Variants in IPO9 observed in about 807,000 individuals in gnomAD.
IPO9 encodes importin 9.
A neutral mutation model predicts 128.6 loss-of-function variants in IPO9; 28 were observed. The ratio of observed to expected loss-of-function variants is 0.22; its 90% CI spans 0.16 to 0.30. IPO9 has a LOEUF of 0.30. Ranked by LOEUF, IPO9 falls within the 10% of genes least tolerant of loss-of-function variation. The pLI is 1.00. For synonymous variants in IPO9, 455 were observed against 475.8 expected (o/e 0.96, Z 0.57); for missense variants, 935 against 1,293.9 (o/e 0.72, Z 4.26).
chr1:201,843,528 T>C (rs1430637295), intron 1 of IPO9, among the ~76,000 whole-genome samples: 1 of 152,228 alleles, frequency 6.6e-6, no homozygotes, highest in Non-Finnish European at 1.5e-5. Flanking sequence ...AGCCAAATAC[T>C]TTTTAAGAAA....
chr1:201,843,981 T>A (rs2102872408), intron 1 of IPO9, among the ~76,000 whole-genome samples: 1 of 152,208 alleles, frequency 6.6e-6, no homozygotes, highest in South Asian at 2.1e-4. Context: ...TACTTCCTTA[T>A]AAAAGAATTC....
At chr1:201,829,403 C>T (rs750066495) in intron 1 of IPO9, 31 bp downstream of exon 1, 2 of 1,525,592 alleles carry the variant, frequency 1.3e-6, no homozygotes, top group Non-Finnish European at 1.8e-6. Flanking sequence ...ACGAGGATGG[C>T]TCAGCCGCAC....
At chr1:201,829,575 AGGTGGAGCCTGGGAGTGGGGGAGGGAG>A (rs1019304823) in intron 1 of IPO9, 9 of 54,502 alleles carry the variant, frequency 1.7e-4, no homozygotes, top group African/African-American at 2.5e-4. Context: ...GGGTCGGGGG[AGGTGGAGCCTGGGAGTGGGGGAGGGAG>A]GGTGGAGACT....
intron 9 of IPO9, 69 bp from the exon 10 acceptor site, chr1:201,855,714 C>CT: frequency 7.4e-7 from 1 of 1,360,026 alleles, no homozygotes. Context: ...TTATGTAGTT[C>CT]ATTTTCTGCA....
At chr1:201,875,847 ACCAGCATT>A (rs1680752445) in intron 23 of IPO9, 89 bp from the exon 24 acceptor site, 1 of 770,906 alleles carries the variant, frequency 1.3e-6, no homozygotes, top group South Asian at 1.5e-5. Flanking sequence ...TTGTCTAAAA[ACCAGCATT>A]CCCTGTGCCA....
rs747658384 is a variant in IPO9 at position 201,870,546 on chromosome 1, C to T, written c.2134-37C>T. The T allele has an allele frequency of 4.8e-5, 77 of 1,595,360 alleles. No homozygotes were observed. The East Asian group carries it at 1.7e-3, about 35-fold the overall frequency. On this transcript the variant is annotated intron_variant, in intron 17 of 23. Transcript: ENST00000361565. The surrounding 1 kb of genome is among the most constrained non-coding windows in gnomAD (Gnocchi z 4.9). ...TGAGGGCCTTCTGGCATCTGTCCCT[C>T]GATTACTAATCTTGCTTGCCACCCC...
At chr1:201,839,004 C>T (rs903722752) in intron 1 of IPO9, among the ~76,000 whole-genome samples, 1 of 151,228 alleles carries the variant, frequency 6.6e-6, no homozygotes, top group Non-Finnish European at 1.5e-5. Context: ...ACTGCAACCT[C>T]CGCCTCCTGG....
At chr1:201,840,747 A>G (rs1328052638) in intron 1 of IPO9, among the ~76,000 whole-genome samples, 2 of 152,212 alleles carry the variant, frequency 1.3e-5, no homozygotes, top group Non-Finnish European at 2.9e-5. Context: ...AAATCCCAAG[A>G]TATAATGTTA....
Position 201,876,227 on chromosome 1 carries a change from A to T in IPO9, c.*173A>T. 2 of 719,038 alleles carry T rather than the reference A, an allele frequency of 2.8e-6. No individual in the cohort carries two copies. The highest frequency in any genetic ancestry group is 5.2e-6 in the Non-Finnish European group (2 of 384,324). 44.5% of individuals were successfully genotyped at this position (719,038 alleles called of 1,614,324 possible). ...TCAGACCAGGCTCACCGGTGCCGTC[A>T]CTTAGGAATGCTGGAACAAAGGACA... On this transcript the variant is annotated 3_prime_UTR_variant, in exon 24 of 24. Transcript: ENST00000361565.
rs755653693 is a variant in IPO9, at chr1:201,874,943, T to C, written c.2938+7T>C. On this transcript the variant is annotated splice_region_variant and intron_variant, in intron 22 of 23. Coordinates refer to ENST00000361565, the MANE Select transcript of IPO9 (RefSeq NM_018085.5). Reference sequence around the variant, plus strand: ...CTTGCTACAAGTAAATATGGTAAGCTGTTTGATAAGAGGACAGCCATGGTA... The same window carrying C: ...CTTGCTACAAGTAAATATGGTAAGCCGTTTGATAAGAGGACAGCCATGGTA... The C allele has an allele frequency of 2.5e-6, 4 of 1,591,022 alleles. No homozygotes were observed. In the East Asian group the frequency reaches 8.9e-5, roughly 36 times the overall value.
At chr1:201,854,415 G>A (rs545991513) in intron 6 of IPO9, among the ~76,000 whole-genome samples, 180 bp from the exon 7 acceptor site, 1 of 152,176 alleles carries the variant, frequency 6.6e-6, no homozygotes, top group African/African-American at 2.4e-5. Flanking sequence ...TGCAAGTGCT[G>A]GTTAAGGAAA....
chr1:201,851,827 A>G (rs1680223928), intron 4 of IPO9, among the ~76,000 whole-genome samples: 1 of 152,214 alleles, frequency 6.6e-6, no homozygotes, highest in Non-Finnish European at 1.5e-5. Flanking sequence ...ACTTTTATGC[A>G]GTTCTATTAC....
chr1:201,857,488 G>A (rs1214853598), intron 11 of IPO9, among the ~76,000 whole-genome samples: 1 of 152,120 alleles, frequency 6.6e-6, no homozygotes, highest in Non-Finnish European at 1.5e-5. Context: ...AGTAAGGGTA[G>A]TTGAATCAAG....
chr1:201,871,082 T>C (rs950114), intron 18 of IPO9, 79 bp from the exon 19 acceptor site: 52,213 of 1,426,930 alleles, frequency 0.037, 3,027 homozygotes, highest in East Asian at 0.31. Flanking sequence ...GTATTTCTTA[T>C]CTGACTGGCC....
In IPO9 at chr1:201,882,601, A is replaced by G. The variant is rs1052982712; in HGVS notation, c.*6547A>G. On this transcript the variant is annotated 3_prime_UTR_variant, in exon 24 of 24. Coordinates refer to ENST00000361565, the MANE Select transcript of IPO9 (RefSeq NM_018085.5). The stretch of plus-strand genomic sequence containing the variant: ...TGCTGGCTTCCTAAAATTGAAAAGT[A>G]TACTAGGGTTTTTAAACCTGTGTAG... 5.3e-5 allele frequency: 8 copies of G among 152,138 alleles called. No individual in the cohort carries two copies. Among genetic ancestry groups the G allele is most frequent in the African/African-American group, 1.9e-4 (8 of 41,422 alleles). The allele number at this position is 152,138 out of a possible 1,614,324, so 9.4% of individuals were successfully genotyped here.
rs1680866619 is a variant in IPO9, at chr1:201,880,566, A to G, written c.*4512A>G. 1 of 152,212 alleles carries G rather than the reference A, an allele frequency of 6.6e-6. No individual in the cohort carries two copies. The highest frequency in any genetic ancestry group is 1.5e-5 in the Non-Finnish European group (1 of 68,056). The allele number at this position is 152,212 out of a possible 1,614,324, so 9.4% of individuals were successfully genotyped here. On this transcript the variant is annotated 3_prime_UTR_variant, in exon 24 of 24. Transcript: ENST00000361565. The stretch of plus-strand genomic sequence containing the variant: ...TTTTGCACCCCAGCTAAGCTGACCC[A>G]TGATCAGTAAGTAGGAAATAAAAGG...
chr1:201,845,583 A>G (rs923305711), intron 1 of IPO9, among the ~76,000 whole-genome samples: 1 of 152,220 alleles, frequency 6.6e-6, no homozygotes, highest in Non-Finnish European at 1.5e-5. Context: ...TGAAATTTTA[A>G]ATTTTCTAGT....
intron 1 of IPO9, among the ~76,000 whole-genome samples, chr1:201,831,354 T>A (rs1018251571): frequency 6.6e-6 from 1 of 152,150 alleles, no homozygotes; most frequent in Non-Finnish European, 1.5e-5. Flanking sequence ...GGTGATCTAG[T>A]AATAGAGCAT....
chr1:201,855,203 T>C, intron 9 of IPO9, 21 bp downstream of exon 9: 1 of 1,496,692 alleles, frequency 6.7e-7, no homozygotes, highest in South Asian at 1.2e-5. Flanking sequence ...TATTTGATCT[T>C]TATAGAAATA....
Sources: gnomAD v4.1 joint callset for allele counts (sites outside exome capture counted in the v4.1 genomes callset) on GRCh38, gnomAD v4.1.1 for gene constraint, Gnocchi (gnomAD v3.1) non-coding constraint, MANE v1.5 for transcripts, NCBI Gene and HGNC (gene_info 2026-07-23, HGNC 2026-07-21) for gene names.